Variants in VPS8 observed in about 807,000 individuals in gnomAD.
The protein encoded by VPS8 is vacuolar protein sorting-associated protein 8 homolog.
Under a neutral mutation model 216.4 loss-of-function variants are expected in VPS8, and 129 were observed. The ratio of observed to expected loss-of-function variants is 0.60; its 90% CI spans 0.52 to 0.69. The LOEUF is 0.69. Ranked by LOEUF, VPS8 falls within the 30% of genes least tolerant of loss-of-function variation. The pLI is 0.00. For missense variants in VPS8, 1,531 were observed against 1,683.5 expected (o/e 0.91, Z 1.59); for synonymous variants, 571 against 565.4 (o/e 1.01, Z -0.14).
chr3:184,886,459 GTA>G (rs34820398), intron 22 of VPS8, among the ~76,000 whole-genome samples: 12 of 149,746 alleles, frequency 8.0e-5, no homozygotes, highest in Non-Finnish European at 1.0e-4. Context: ...TTCATTATAT[GTA>G]TATATATATA....
At chr3:185,009,920 T>C (rs1234820505) in intron 45 of VPS8, among the ~76,000 whole-genome samples, 1 of 151,168 alleles carries the variant, frequency 6.6e-6, no homozygotes, top group Non-Finnish European at 1.5e-5. Context: ...GAAGGTAACT[T>C]TTGAGTATTC....
At chr3:184,918,722 T>G (rs1738050333) in intron 28 of VPS8, among the ~76,000 whole-genome samples, 1 of 152,192 alleles carries the variant, frequency 6.6e-6, no homozygotes, top group South Asian at 2.1e-4. Flanking sequence ...GGTTTTGTAT[T>G]TTAGTTGAAT....
intron 40 of VPS8, among the ~76,000 whole-genome samples, chr3:184,981,432 T>C (rs1750185398): frequency 6.9e-6 from 1 of 144,110 alleles, no homozygotes; most frequent in African/African-American, 2.5e-5. Flanking sequence ...TGGGTTCTTT[T>C]TTTTTTTTTT....
intron 15 of VPS8, among the ~76,000 whole-genome samples, chr3:184,860,373 G>GTA (rs765924902): frequency 4.0e-5 from 6 of 150,162 alleles, no homozygotes; most frequent in Admixed American, 6.7e-5. Flanking sequence ...ATGTGTGTGT[G>GTA]TATATATATA....
chr3:184,947,549 G>GTT (rs759863415), intron 36 of VPS8, among the ~76,000 whole-genome samples: 1 of 144,600 alleles, frequency 6.9e-6, no homozygotes, highest in African/African-American at 2.5e-5. Context: ...TTGTGGGCAG[G>GTT]TTTTTTTTTT....
chr3:184,857,177 G>A (rs943849954), intron 14 of VPS8, among the ~76,000 whole-genome samples: 4 of 152,234 alleles, frequency 2.6e-5, no homozygotes, highest in African/African-American at 9.6e-5. Context: ...TAGAATTAAT[G>A]ACAAAGAGAA....
intron 44 of VPS8, among the ~76,000 whole-genome samples, chr3:184,997,771 T>C (rs1168015128): frequency 6.6e-6 from 1 of 152,194 alleles, no homozygotes; most frequent in African/African-American, 2.4e-5. Context: ...AAAGGCTCAC[T>C]GTTAAGGTGA....
At chr3:185,016,152 T>C (rs931952048) in intron 45 of VPS8, among the ~76,000 whole-genome samples, 3 of 152,210 alleles carry the variant, frequency 2.0e-5, no homozygotes, top group African/African-American at 7.2e-5. Context: ...ATCCAATTAA[T>C]GTCCCCTAGT....
chr3:185,036,257 A>AT (rs1423768233), intron 46 of VPS8, among the ~76,000 whole-genome samples: 1 of 152,194 alleles, frequency 6.6e-6, no homozygotes, highest in Admixed American at 6.5e-5. Flanking sequence ...TTAGAAAAAA[A>AT]CTATTCTAAA....
intron 22 of VPS8, among the ~76,000 whole-genome samples, chr3:184,890,276 C>T (rs994768840): frequency 1.3e-5 from 2 of 152,134 alleles, no homozygotes; most frequent in African/African-American, 4.8e-5. Flanking sequence ...TCAGATTTTG[C>T]ATAATACAAA....
chr3:184,911,165 A>G (rs1218500821), intron 25 of VPS8, among the ~76,000 whole-genome samples: 1 of 152,218 alleles, frequency 6.6e-6, no homozygotes, highest in African/African-American at 2.4e-5. Flanking sequence ...GTAGAAAATT[A>G]AGTACTGTGT....
chr3:184,852,443 T>C, intron 10 of VPS8, 57 bp from the exon 11 acceptor site: 2 of 1,500,820 alleles, frequency 1.3e-6, no homozygotes, highest in Non-Finnish European at 1.8e-6. Context: ...AATTTTTTCC[T>C]CCTTAATACT....
chr3:185,048,452 T>G, intron 46 of VPS8, 27 bp from the exon 47 acceptor site: 1 of 1,612,712 alleles, frequency 6.2e-7, no homozygotes. Context: ...CGTGATGTTG[T>G]TAATCGTATC....
intron 46 of VPS8, among the ~76,000 whole-genome samples, chr3:185,041,204 T>C (rs1711542995): frequency 6.7e-6 from 1 of 150,068 alleles, no homozygotes. Flanking sequence ...AAACTCCATC[T>C]CAAAGGAAAA....
chr3:184,983,980 C>G (rs932316081), intron 42 of VPS8, among the ~76,000 whole-genome samples: 6 of 150,512 alleles, frequency 4.0e-5, no homozygotes, highest in African/African-American at 1.2e-4. Context: ...GTCAGGAGAT[C>G]GAGACCATCC....
At chr3:184,942,649 G>A (rs905771134) in intron 36 of VPS8, among the ~76,000 whole-genome samples, 9 of 152,152 alleles carry the variant, frequency 5.9e-5, no homozygotes, top group African/African-American at 1.9e-4. Flanking sequence ...CGCGTGTTCT[G>A]CTTTGAGAGT....
intron 3 of VPS8, 76 bp from the exon 4 acceptor site, chr3:184,832,613 G>A: frequency 1.5e-6 from 2 of 1,356,788 alleles, no homozygotes; most frequent in Non-Finnish European, 1.0e-6. Flanking sequence ...GTGCTCTGGA[G>A]AAACCCATTA....
intron 45 of VPS8, among the ~76,000 whole-genome samples, chr3:185,004,350 C>T (rs962761557): frequency 2.6e-5 from 4 of 151,736 alleles, no homozygotes; most frequent in Admixed American, 6.6e-5. Context: ...CGTGGCGGCG[C>T]GCGCCCGCAA....
At chr3:184,991,206 A>G (rs1287409703) in intron 42 of VPS8, among the ~76,000 whole-genome samples, 1 of 152,348 alleles carries the variant, frequency 6.6e-6, no homozygotes, top group African/African-American at 2.4e-5. Context: ...GGAAAAAAAC[A>G]TGGTCATCAC....
Sources: gnomAD v4.1 joint callset for allele counts (sites outside exome capture counted in the v4.1 genomes callset) on GRCh38, gnomAD v4.1.1 for gene constraint, MANE v1.5 for transcripts, NCBI Gene and HGNC (gene_info 2026-07-23, HGNC 2026-07-21) for gene names.